THOC1: variants seen among roughly 807,000 people sequenced by gnomAD.
THOC1 encodes THO complex subunit 1.
In THOC1, 29 loss-of-function variants were observed where a neutral mutation model predicts 97.3. The ratio of observed to expected loss-of-function variants is 0.30; its 90% CI spans 0.22 to 0.41. The LOEUF is 0.41. Ranked by LOEUF, THOC1 falls within the 10% of genes least tolerant of loss-of-function variation. THOC1 has a pLI of 1.00. For missense variants in THOC1, 529 were observed against 761.9 expected (o/e 0.69, Z 3.60); for synonymous variants, 255 against 257.0 (o/e 0.99, Z 0.07).
intron 11 of THOC1, among the ~76,000 whole-genome samples, chr18:237,157 ATT>A (rs763933161): frequency 0.15 from 18,547 of 126,160 alleles, 1,145 homozygotes; most frequent in African/African-American, 0.2. Flanking sequence ...CATGTACTGG[ATT>A]TTTTTTTTTT....
intron 7 of THOC1, among the ~76,000 whole-genome samples, chr18:255,620 A>G (rs1253104531): frequency 1.3e-5 from 2 of 152,230 alleles, no homozygotes; most frequent in East Asian, 3.9e-4. Flanking sequence ...GCAACTACCA[A>G]TGGAGAAGTT....
chr18:256,638 G>A (rs1912444934), intron 7 of THOC1, among the ~76,000 whole-genome samples: 1 of 152,152 alleles, frequency 6.6e-6, no homozygotes, highest in Admixed American at 6.5e-5. Context: ...CACTCCTGTT[G>A]CCCAGGCTGA....
At position 247,510 on chromosome 18, in the gene THOC1, A is replaced by G. The variant is rs567543184; in HGVS notation, c.786+339T>C. Among the ~76,000 whole-genome samples the G allele has an allele frequency of 8.5e-5, 13 of 152,340 alleles. No individual in the cohort carries two copies. The South Asian group carries it at 2.7e-3, about 32-fold the overall frequency. On this transcript the variant is annotated intron_variant, in intron 10 of 20. Transcript: ENST00000261600. Reference sequence around the variant, plus strand: ...AAGCAGTAGGTTAGATCTGGCCCAGAGCCATGACTTGAGGACTTCTGTTTC... The same window carrying G: ...AAGCAGTAGGTTAGATCTGGCCCAGGGCCATGACTTGAGGACTTCTGTTTC...
In THOC1 at chr18:259,727, T is replaced by C; in HGVS notation, c.379A>G (p.Thr127Ala). 1 of 1,544,184 alleles carries C rather than the reference T, an allele frequency of 6.5e-7. No individual in the cohort carries two copies. The highest frequency in any genetic ancestry group is 8.7e-7 in the Non-Finnish European group (1 of 1,143,324). ...TAATTTTTCCCAGCAGAATAGAATG[T>C]ATTCTGAAATTAAGACGGAAATTAT... ...EKNVATWKSN[T>A]FYSAGKNYLL... Residue 127 changes from threonine (T) to alanine (A), a missense_variant, in exon 6 of 21, where the codon ACA becomes GCA. By Grantham distance (58) the Thr-to-Ala change is moderately conservative (BLOSUM62 0). Around this residue, in one of 8 missense-constraint regions of THOC1, gnomAD observed 49 missense variants for 91.7 expected, o/e 0.53. Transcript: ENST00000261600.
At chr18:218,538 G>C (rs1215099522) in intron 18 of THOC1, among the ~76,000 whole-genome samples, 1 of 152,162 alleles carries the variant, frequency 6.6e-6, no homozygotes, top group African/African-American at 2.4e-5. Context: ...TGGACGCCAA[G>C]AGAAGAAAAC....
intron 19 of THOC1, 109 bp downstream of exon 19, chr18:216,377 G>T: frequency 8.4e-7 from 1 of 1,196,530 alleles, no homozygotes; most frequent in Non-Finnish European, 1.2e-6. Context: ...GGGAGCTTGT[G>T]GATCACTGGT....
chr18:226,923 A>T, intron 11 of THOC1, 22 bp from the exon 12 acceptor site: 1 of 1,554,358 alleles, frequency 6.4e-7, no homozygotes, highest in Non-Finnish European at 8.8e-7. Flanking sequence ...ACAAGCAAAC[A>T]CATACGAAAA....
In THOC1 at chr18:239,801, C is replaced by A. The variant is rs553726487; in HGVS notation, c.918+6523G>T. ...CATGCATATCAAAGTATACTGAAAACTAATAAACACTTGTATATAATAGAG... is the reference window on the plus strand; with the variant it reads ...CATGCATATCAAAGTATACTGAAAAATAATAAACACTTGTATATAATAGAG... On this transcript the variant is annotated intron_variant, in intron 11 of 20. Coordinates refer to ENST00000261600, the MANE Select transcript of THOC1 (RefSeq NM_005131.3). 4.6e-5 allele frequency among the ~76,000 whole-genome samples: 7 copies of A among 152,178 alleles called. No individual in the cohort carries two copies. The East Asian group carries it at 1.4e-3, about 29-fold the overall frequency.
intron 17 of THOC1, 51 bp downstream of exon 17, chr18:223,389 T>C: frequency 1.4e-6 from 2 of 1,418,954 alleles, no homozygotes; most frequent in Non-Finnish European, 1.9e-6. Flanking sequence ...GGCTCCATTC[T>C]ACTCAACACT....
chr18:221,626 TGAGACGGAG>T (rs1911081832), intron 17 of THOC1, among the ~76,000 whole-genome samples: 1 of 145,500 alleles, frequency 6.9e-6, no homozygotes, highest in African/African-American at 2.5e-5. Context: ...TTTTTTTTTT[TGAGACGGAG>T]TCTCGCTCTG....
At chr18:266,896 G>A (rs772548239) in intron 1 of THOC1, among the ~76,000 whole-genome samples, 1 of 152,010 alleles carries the variant, frequency 6.6e-6, no homozygotes, top group Admixed American at 6.6e-5. Flanking sequence ...AAGCACCAGA[G>A]ATTGCAGCAA....
chr18:260,712 A>T (rs1393699665), intron 4 of THOC1: 1 of 152,682 alleles, frequency 6.5e-6, no homozygotes, highest in African/African-American at 2.4e-5. Context: ...GAGCTGGGAT[A>T]CGAACCCAGG....
intron 18 of THOC1, among the ~76,000 whole-genome samples, chr18:216,913 T>A (rs770404621): frequency 6.6e-6 from 1 of 152,226 alleles, no homozygotes; most frequent in Non-Finnish European, 1.5e-5. Context: ...TTTTGTTTAA[T>A]TTTAACAAGT....
intron 11 of THOC1, among the ~76,000 whole-genome samples, chr18:239,466 G>A (rs926959325): frequency 5.3e-5 from 8 of 152,004 alleles, no homozygotes; most frequent in African/African-American, 1.2e-4. Flanking sequence ...CACCACGCCC[G>A]GCTAATTTTT....
At chr18:226,560 AGAC>A (rs1384246558) in intron 12 of THOC1, among the ~76,000 whole-genome samples, 3 of 152,162 alleles carry the variant, frequency 2.0e-5, no homozygotes, top group East Asian at 1.9e-4. Context: ...CTGCTAATAA[AGAC>A]GACAACTCCT....
At chr18:252,062 CA>C (rs1912295774) in intron 9 of THOC1, among the ~76,000 whole-genome samples, 1 of 152,154 alleles carries the variant, frequency 6.6e-6, no homozygotes, top group Admixed American at 6.5e-5. Flanking sequence ...CTTAATGTTG[CA>C]GTTTCTAGAA....
intron 3 of THOC1, 110 bp downstream of exon 3, chr18:265,193 T>G (rs972012406): frequency 1.2e-6 from 1 of 825,352 alleles, no homozygotes; most frequent in African/African-American, 1.7e-5. Context: ...GCAGAAAGGT[T>G]ACTCTAAAAA....
At position 247,971 on chromosome 18, in the gene THOC1, C is replaced by T. The variant is rs761967603; in HGVS notation, c.678-14G>A. 9 of 1,378,250 alleles carry T rather than the reference C, an allele frequency of 6.5e-6. No homozygotes were observed. Among genetic ancestry groups the T allele is most frequent in the East Asian group, 2.4e-5 (1 of 41,582 alleles). The allele number at this position is 1,378,250 out of a possible 1,614,324, so 85.4% of individuals were successfully genotyped here. A position where few individuals can be genotyped will look rare whatever the true frequency, so the allele number is the denominator to read the frequency against. On this transcript the variant is annotated splice_polypyrimidine_tract_variant and intron_variant, in intron 9 of 20. Coordinates refer to ENST00000261600, the MANE Select transcript of THOC1 (RefSeq NM_005131.3). The stretch of plus-strand genomic sequence containing the variant: ...ATTGGAATAGAGCTAATAAAATAAA[C>T]GTTATATTAAATAAATCATTCAAAT...
rs183510690 is a variant in THOC1 at position 266,568 on chromosome 18, T to A, written c.55-1038A>T. On this transcript the variant is annotated intron_variant, in intron 1 of 20. Transcript: ENST00000261600. ...TTTTTTTTTTTTTTGAGATGGAGTCTCCCTCTGTTGCCCAGGTGTTGTGCA... is the reference window on the plus strand; with the variant it reads ...TTTTTTTTTTTTTTGAGATGGAGTCACCCTCTGTTGCCCAGGTGTTGTGCA... Among the ~76,000 whole-genome samples, 510 of 148,180 alleles carry A rather than the reference T, an allele frequency of 3.4e-3. 1 individual carries two copies. The highest frequency in any genetic ancestry group is 4.6e-3 in the Non-Finnish European group (310 of 67,484).
Sources: gnomAD v4.1 joint callset for allele counts (sites outside exome capture counted in the v4.1 genomes callset) on GRCh38, gnomAD v4.1.1 for gene constraint, gnomAD v4.1.1 regional missense constraint, MANE v1.5 for transcripts, NCBI Gene and HGNC (gene_info 2026-07-23, HGNC 2026-07-21) for gene names.